POLE4: variants seen among roughly 807,000 people sequenced by gnomAD.
The protein encoded by POLE4 is DNA polymerase epsilon 4, accessory subunit.
In POLE4, 15 loss-of-function variants were observed where a neutral mutation model predicts 15.6. That is an observed-to-expected ratio of 0.96 (90% CI 0.64 to 1.48). The LOEUF (loss-of-function observed/expected upper bound fraction) is 1.48, where lower values mean the gene tolerates loss of function less well. POLE4 is among the 40% of genes most tolerant of loss of function. The pLI is 0.00. For missense variants in POLE4, 205 were observed against 151.9 expected, an observed-to-expected ratio of 1.35 and a Z score of -1.84; for synonymous variants, 83 against 63.2, an observed-to-expected ratio of 1.31 and a Z score of -1.49.
chr2:74,958,779 C>T lies in POLE4; in HGVS notation c.100C>T (p.Pro34Ser), dbSNP rs1184080681. The T allele has an allele frequency of 3.2e-6, 5 of 1,550,264 alleles. No individual in the cohort carries two copies. The highest frequency in any genetic ancestry group is 2.5e-5 in the East Asian group (1 of 40,692). ...ASQPQAPTSV[P>S]GARLSRLPLA... ...GCAGCCCCAGGCCCCAACGAGTGTG[C>T]CTGGGGCTCGTCTCTCGAGGTTGCC... is the stretch of plus-strand genomic sequence containing the variant. The change falls in exon 1 of 4, where the codon CCT becomes TCT. Residue 34 changes from proline to serine, a missense_variant. Pro to Ser is a moderately conservative substitution (Grantham distance 74). Coordinates refer to ENST00000483063, the MANE Select transcript of POLE4 (RefSeq NM_019896.4).
At position 74,969,371 on chromosome 2, in the gene POLE4, AGGTCCCCTGATATACTCATT is replaced by A; in HGVS notation, c.341-36_341-17del. On this transcript the variant is annotated intron_variant, in intron 3 of 3. Transcript: ENST00000483063. ...GCTTGTTACACTAATCCAGCTTCTGAGGTCCCCTGATATACTCATTGCTCTTTGTATGTTTAGGTACTTTA... is the reference window on the plus strand; with the variant it reads ...GCTTGTTACACTAATCCAGCTTCTGAGCTCTTTGTATGTTTAGGTACTTTA... 6.2e-7 allele frequency: 1 copy of A among 1,607,878 alleles called. No homozygotes were observed.
At chr2:74,969,006 TG>T (rs1671330335) in intron 3 of POLE4, among the ~76,000 whole-genome samples, 3 of 152,146 alleles carry the variant, frequency 2.0e-5, no homozygotes. Flanking sequence ...GAATCTTGGA[TG>T]GGAGGGCATA....
chr2:74,966,751 T>A (rs971508208), intron 3 of POLE4, among the ~76,000 whole-genome samples: 2 of 152,206 alleles, frequency 1.3e-5, no homozygotes, highest in African/African-American at 4.8e-5. Context: ...TTCTTCTTCC[T>A]GAAATAAATC....
At chr2:74,960,757 CTT>C (rs1671205355) in intron 3 of POLE4, among the ~76,000 whole-genome samples, 1 of 152,232 alleles carries the variant, frequency 6.6e-6, no homozygotes, top group Non-Finnish European at 1.5e-5. Flanking sequence ...TGCGTAATAA[CTT>C]TTTGGTCAGC....
intron 3 of POLE4, among the ~76,000 whole-genome samples, chr2:74,961,663 C>T (rs1193257210): frequency 1.3e-5 from 2 of 152,150 alleles, no homozygotes; most frequent in Non-Finnish European, 2.9e-5. Context: ...CCACTCTAGC[C>T]TCTATCACAG....
chr2:74,962,547 T>G (rs1671236516), intron 3 of POLE4, among the ~76,000 whole-genome samples: 1 of 152,250 alleles, frequency 6.6e-6, no homozygotes, highest in Non-Finnish European at 1.5e-5. Context: ...AGTTTTCTTC[T>G]GTAATCTGGA....
rs1239273253 is a variant in POLE4 at position 74,960,162 on chromosome 2, G to A, written c.340+16G>A. On this transcript the variant is annotated intron_variant, in intron 3 of 3. Transcript: ENST00000483063. ...TTTCTGGAAGGTGAGTTCCCTCTCA[G>A]TGGGCAATCATTTCCGCCTGTCTTT... 6 of 1,602,388 alleles carry A rather than the reference G, an allele frequency of 3.7e-6. No homozygotes were observed. The highest frequency in any genetic ancestry group is 5.1e-6 in the Non-Finnish European group (6 of 1,169,430).
At position 74,962,774 on chromosome 2, in the gene POLE4, C is replaced by T. The variant is rs115737261; in HGVS notation, c.340+2628C>T. Among the ~76,000 whole-genome samples the T allele has an allele frequency of 5.0e-3, 766 of 152,282 alleles. 3 individuals carry two copies. Among genetic ancestry groups the T allele is most frequent in the African/African-American group, 0.017 (723 of 41,556 alleles). ...ATCATACCTATTCTCATCCCCTTTC[C>T]CGACATTACTGTTTCCTAACTTTTT... On this transcript the variant is annotated intron_variant, in intron 3 of 3. Coordinates refer to ENST00000483063, the MANE Select transcript of POLE4 (RefSeq NM_019896.4).
At chr2:74,963,862 A>G (rs1222248202) in intron 3 of POLE4, among the ~76,000 whole-genome samples, 2 of 151,980 alleles carry the variant, frequency 1.3e-5, no homozygotes, top group Admixed American at 1.3e-4. Context: ...TTCACTCCTT[A>G]AAAGGTTGTC....
chr2:74,969,431 C>G lies in POLE4; in HGVS notation c.*9C>G, dbSNP rs535062894. On this transcript the variant is annotated 3_prime_UTR_variant, in exon 4 of 4. Coordinates refer to ENST00000483063, the MANE Select transcript of POLE4 (RefSeq NM_019896.4). ...TAGGTACTTTAGATTGATTGCCGAG[C>G]GGGGCAGTTTTGTGAGCCTTCATCT... 1 of 1,613,564 alleles carries G rather than the reference C, an allele frequency of 6.2e-7. No homozygotes were observed.
rs1163559596 is a variant in POLE4, at chr2:74,958,882, C to T, written c.203C>T (p.Ala68Val). The T allele has an allele frequency of 1.3e-6, 2 of 1,556,098 alleles. No homozygotes were observed. Among genetic ancestry groups the T allele is most frequent in the Non-Finnish European group, 1.7e-6 (2 of 1,149,784 alleles). The part of the protein sequence containing the change: ...LAGQEAIFIL[A>V]RAAELFVETI... ...GGACAGGAAGCCATCTTCATTCTGG[C>T]ACGAGCCGCGGTGCGCCTGCAGCGC... Residue 68 changes from alanine (A) to valine (V), a missense_variant, in exon 1 of 4, where the codon GCA becomes GTA. Coordinates refer to ENST00000483063, the MANE Select transcript of POLE4 (RefSeq NM_019896.4).
In POLE4 at chr2:74,958,802, G is replaced by T. The variant is rs1287028927; in HGVS notation, c.123G>T (p.Leu41Phe). Residue 41 changes from leucine (L) to phenylalanine (F), a missense_variant, in exon 1 of 4, where the codon TTG (leucine) becomes TTT (phenylalanine). Transcript: ENST00000483063. ...TSVPGARLSR[L>F]PLARVKALVK... is the part of the protein sequence containing the mutation. ...TGCCTGGGGCTCGTCTCTCGAGGTTGCCTCTGGCGCGAGTGAAGGCCTTGG... is the reference window on the plus strand; with the variant it reads ...TGCCTGGGGCTCGTCTCTCGAGGTTTCCTCTGGCGCGAGTGAAGGCCTTGG... The T allele has an allele frequency of 1.3e-6, 2 of 1,554,022 alleles. No individual in the cohort carries two copies. The highest frequency in any genetic ancestry group is 1.7e-6 in the Non-Finnish European group (2 of 1,148,558).
intron 3 of POLE4, among the ~76,000 whole-genome samples, chr2:74,968,676 C>G (rs1187633909): frequency 8.0e-5 from 12 of 150,484 alleles, no homozygotes; most frequent in Admixed American, 2.0e-4. Flanking sequence ...TCTGGTTGTC[C>G]TGCCTGTGGG....
chr2:74,969,373 G>A, intron 3 of POLE4, 36 bp from the exon 4 acceptor site: 1 of 1,609,658 alleles, frequency 6.2e-7, no homozygotes, highest in Non-Finnish European at 8.5e-7. Flanking sequence ...AGCTTCTGAG[G>A]TCCCCTGATA....
chr2:74,968,515 G>A (rs1391973266), intron 3 of POLE4, among the ~76,000 whole-genome samples: 2 of 152,232 alleles, frequency 1.3e-5, no homozygotes, highest in South Asian at 2.1e-4. Flanking sequence ...GGGTGACCCC[G>A]AGGGTATGAA....
intron 3 of POLE4, among the ~76,000 whole-genome samples, chr2:74,960,825 C>G (rs1202663425): frequency 1.3e-5 from 2 of 152,172 alleles, no homozygotes. Flanking sequence ...CTGAAAAATT[C>G]CTTTTGCCCA....
At chr2:74,967,656 C>T (rs1671315592) in intron 3 of POLE4, among the ~76,000 whole-genome samples, 1 of 152,142 alleles carries the variant, frequency 6.6e-6, no homozygotes. Context: ...TTGGTACTGT[C>T]ACATGGCCTT....
intron 3 of POLE4, among the ~76,000 whole-genome samples, chr2:74,966,122 G>A (rs559709062): frequency 6.6e-6 from 1 of 151,324 alleles, no homozygotes; most frequent in East Asian, 1.9e-4. Flanking sequence ...CAGCTTGGAA[G>A]TTATATGCTC....
intron 3 of POLE4, among the ~76,000 whole-genome samples, chr2:74,967,046 G>C (rs1671307235): frequency 6.6e-6 from 1 of 152,006 alleles, no homozygotes; most frequent in African/African-American, 2.4e-5. Context: ...GTTTCACTCT[G>C]ATGTACAGAG....
Sources: allele counts gnomAD v4.1 joint callset (sites outside exome capture counted in the v4.1 genomes callset), GRCh38; gene constraint gnomAD v4.1.1; transcripts MANE v1.5; gene names NCBI Gene and HGNC (gene_info 2026-07-23, HGNC 2026-07-21).